AATF: variants seen among roughly 807,000 people sequenced by gnomAD.
The protein encoded by AATF is apoptosis antagonizing transcription factor.
In AATF, 48 loss-of-function variants were observed where a neutral mutation model predicts 63.7. The observed-to-expected ratio is 0.75, with a 90% CI of 0.60 to 0.96. AATF has a LOEUF of 0.96. Ranked by LOEUF, AATF falls within the 40% of genes least tolerant of loss-of-function variation. The pLI is 0.00. For synonymous variants in AATF, 258 were observed against 247.7 expected, an observed-to-expected ratio of 1.04 and a Z score of -0.39; for missense variants, 639 against 685.7, an observed-to-expected ratio of 0.93 and a Z score of 0.76.
chr17:37,054,763 T>A (rs1255394214), intron 11 of AATF: 1 of 152,256 alleles, frequency 6.6e-6, no homozygotes, highest in Non-Finnish European at 1.5e-5. Flanking sequence ...GGAAAGGGTA[T>A]GATGTGAAGG....
intron 4 of AATF, among the ~76,000 whole-genome samples, chr17:36,959,953 C>G (rs1448943982): frequency 6.6e-6 from 1 of 152,090 alleles, no homozygotes; most frequent in Non-Finnish European, 1.5e-5. Context: ...TTCATACTTA[C>G]ACTCTCATAT....
At chr17:37,052,463 G>A (rs113642834) in intron 11 of AATF, 3,536 of 152,216 alleles carry the variant, frequency 0.023, 60 homozygotes, top group Non-Finnish European at 0.033. Flanking sequence ...GACATGTTTT[G>A]TTTCTTTTCA....
intron 7 of AATF, among the ~76,000 whole-genome samples, chr17:36,990,106 A>AAAT (rs1354373111): frequency 2.0e-5 from 3 of 152,154 alleles, no homozygotes; most frequent in Non-Finnish European, 2.9e-5. Context: ...ATATATGTAT[A>AAAT]AATATGGTTG....
At chr17:36,997,233 A>C (rs2071261210) in intron 8 of AATF, among the ~76,000 whole-genome samples, 1 of 152,210 alleles carries the variant, frequency 6.6e-6, no homozygotes, top group Non-Finnish European at 1.5e-5. Flanking sequence ...TGCTCCTTTA[A>C]AAGTAACATA....
intron 8 of AATF, among the ~76,000 whole-genome samples, chr17:37,013,406 AG>A (rs1306274590): frequency 1.3e-5 from 2 of 152,310 alleles, no homozygotes; most frequent in East Asian, 3.9e-4. Context: ...TGAGGAAGAA[AG>A]GTTTCTTTGG....
In AATF at chr17:36,970,396, T is replaced by G. The variant is rs375165867; in HGVS notation, c.833-16221T>G. On this transcript the variant is annotated intron_variant, in intron 4 of 11. Coordinates refer to ENST00000619387, the MANE Select transcript of AATF (RefSeq NM_012138.4). The stretch of plus-strand genomic sequence containing the variant: ...TGGGTTTACTCCTTTTAAAAGTTAC[T>G]TTTTAAAAAAGTTACCTTAATCAGT... 3.9e-4 allele frequency among the ~76,000 whole-genome samples: 59 copies of G among 152,316 alleles called. No homozygotes were observed. The East Asian group carries it at 0.011, about 28-fold the overall frequency.
At chr17:36,978,815 G>A (rs1257565198) in intron 4 of AATF, among the ~76,000 whole-genome samples, 2 of 151,700 alleles carry the variant, frequency 1.3e-5, no homozygotes, top group Non-Finnish European at 2.9e-5. Context: ...CATTCTGCTT[G>A]GGGAATATAG....
At chr17:36,966,468 G>A (rs1228964958) in intron 4 of AATF, among the ~76,000 whole-genome samples, 1 of 151,510 alleles carries the variant, frequency 6.6e-6, no homozygotes, top group Admixed American at 6.6e-5. Context: ...AGGTCTCACT[G>A]TGTTGCCCAA....
chr17:37,000,569 T>C (rs1597719899), intron 8 of AATF, among the ~76,000 whole-genome samples: 2 of 152,200 alleles, frequency 1.3e-5, no homozygotes, highest in South Asian at 2.1e-4. Context: ...TGAAGAGTTA[T>C]ATATATATTT....
At chr17:36,982,231 TTG>T (rs1168993677) in intron 4 of AATF, among the ~76,000 whole-genome samples, 6 of 141,428 alleles carry the variant, frequency 4.2e-5, no homozygotes, top group Admixed American at 6.8e-5. Context: ...GTTTTTTGTT[TTG>T]TTTTTTTTTT....
rs926908990 is a variant in AATF, at chr17:37,041,722, C to T, written c.1619+10037C>T. Among the ~76,000 whole-genome samples the T allele has an allele frequency of 5.9e-5, 9 of 152,154 alleles. No homozygotes were observed. In the East Asian group the frequency reaches 7.7e-4, roughly 13 times the overall value. ...GTATTGCCATGTTGGCCAGGCTGGTCGCGAACTCCTGACCTCAGGTGATCC... is the reference window on the plus strand; with the variant it reads ...GTATTGCCATGTTGGCCAGGCTGGTTGCGAACTCCTGACCTCAGGTGATCC... On this transcript the variant is annotated intron_variant, in intron 11 of 11. Coordinates refer to ENST00000619387, the MANE Select transcript of AATF (RefSeq NM_012138.4).
In AATF at chr17:36,989,129, C is replaced by G. The variant is rs1161843560; in HGVS notation, c.1150-118C>G. ...ACAAACTCAGTCCTTTACAGAAAGTCCCTCCTGAAAAGATGATTTTCTATC... is the reference window on the plus strand; with the variant it reads ...ACAAACTCAGTCCTTTACAGAAAGTGCCTCCTGAAAAGATGATTTTCTATC... On this transcript the variant is annotated intron_variant, in intron 6 of 11. Coordinates refer to ENST00000619387, the MANE Select transcript of AATF (RefSeq NM_012138.4). 5 of 1,174,366 alleles carry G rather than the reference C, an allele frequency of 4.3e-6. No homozygotes were observed. The Admixed American group carries it at 9.6e-5, about 23-fold the overall frequency. 72.7% of individuals were successfully genotyped at this position (1,174,366 alleles called of 1,614,324 possible).
rs530201521 is a variant in AATF at position 36,960,384 on chromosome 17, C to T, written c.832+6477C>T. ...TTAAATAATAATGTTTTAAATTTTG[C>T]GTAAGCTGTGGGAAATCATGGAGTC... On this transcript the variant is annotated intron_variant, in intron 4 of 11. Transcript: ENST00000619387. Among the ~76,000 whole-genome samples, 18 of 152,240 alleles carry T rather than the reference C, an allele frequency of 1.2e-4. No individual in the cohort carries two copies. The South Asian group carries it at 3.7e-3, about 32-fold the overall frequency.
rs542653693 is a variant in AATF, at chr17:37,036,019, G to T, written c.1619+4334G>T. On this transcript the variant is annotated intron_variant, in intron 11 of 11. Transcript: ENST00000619387. ...GCTCCCTGCAACCTCCAATTCCTGGGCTCAGGCCATCCTCCCACCTCAGCC... is the reference window on the plus strand; with the variant it reads ...GCTCCCTGCAACCTCCAATTCCTGGTCTCAGGCCATCCTCCCACCTCAGCC... 5.3e-5 allele frequency among the ~76,000 whole-genome samples: 8 copies of T among 152,194 alleles called. No individual in the cohort carries two copies. In the South Asian group the frequency reaches 1.7e-3, roughly 32 times the overall value.
At position 36,953,152 on chromosome 17, in the gene AATF, G is replaced by C. The variant is rs1403206889; in HGVS notation, c.550G>C (p.Asp184His). ...CGAAGAGAGTGGCATGGAAGAAGGGGATGACGCGGAAGACTCCCAAGGCGA... is the reference window on the plus strand; with the variant it reads ...CGAAGAGAGTGGCATGGAAGAAGGGCATGACGCGGAAGACTCCCAAGGCGA... ...EDEESGMEEG[D>H]DAEDSQGESE... The change falls in exon 3 of 12, where the codon GAT becomes CAT. Residue 184 changes from aspartate (D) to histidine (H), a missense_variant. Transcript: ENST00000619387. 2 of 1,614,188 alleles carry C rather than the reference G, an allele frequency of 1.2e-6. No homozygotes were observed. The highest frequency in any genetic ancestry group is 1.7e-6 in the Non-Finnish European group (2 of 1,180,040).
intron 11 of AATF, among the ~76,000 whole-genome samples, chr17:37,048,500 A>AC (rs1407233761): frequency 6.7e-6 from 1 of 149,190 alleles, no homozygotes; most frequent in Non-Finnish European, 1.5e-5. Flanking sequence ...CCTCCCAAGT[A>AC]CCTGGGATTA....
At chr17:37,042,482 A>G (rs1041005074) in intron 11 of AATF, among the ~76,000 whole-genome samples, 1 of 150,638 alleles carries the variant, frequency 6.6e-6, no homozygotes, top group Non-Finnish European at 1.5e-5. Context: ...TAGCCCAATT[A>G]TAGCTCACTG....
In AATF at chr17:37,041,351, AT is replaced by A. The variant is rs559095565; in HGVS notation, c.1619+9667del. On this transcript the variant is annotated intron_variant, in intron 11 of 11. Coordinates refer to ENST00000619387, the MANE Select transcript of AATF (RefSeq NM_012138.4). ...AGTGAACATATATATACAGAAATCT[AT>A]GTTCTAGGTTTTGCTGTGTCTTTAG... Among the ~76,000 whole-genome samples, 16 of 152,198 alleles carry A rather than the reference AT, an allele frequency of 1.1e-4. No individual in the cohort carries two copies. In the South Asian group the frequency reaches 3.1e-3, roughly 30 times the overall value.
intron 8 of AATF, among the ~76,000 whole-genome samples, chr17:37,005,907 T>G (rs550377708): frequency 1.3e-5 from 2 of 152,140 alleles, no homozygotes; most frequent in African/African-American, 4.8e-5. Context: ...GTGGGAAGAT[T>G]GCTTGAACCC....
Sources: gnomAD v4.1 joint callset for allele counts (sites outside exome capture counted in the v4.1 genomes callset) on GRCh38, gnomAD v4.1.1 for gene constraint, MANE v1.5 for transcripts, NCBI Gene and HGNC (gene_info 2026-07-23, HGNC 2026-07-21) for gene names.